Variants in DLG2 observed in about 807,000 individuals in gnomAD.
DLG2 encodes the protein disks large homolog 2.
Under a neutral mutation model 132.5 loss-of-function variants are expected in DLG2, and 45 were observed. The ratio of observed to expected loss-of-function variants is 0.34; its 90% CI spans 0.27 to 0.44. The LOEUF (loss-of-function observed/expected upper bound fraction) is 0.44. DLG2 is among the 20% of genes least tolerant of loss of function. The pLI, the probability that DLG2 is intolerant of heterozygous loss-of-function variation, is 1.00. For missense variants in DLG2, 1,045 were observed against 1,196.9 expected (o/e 0.87, Z 1.87); for synonymous variants, 424 against 419.6 (o/e 1.01, Z -0.13).
At chr11:85,474,785 A>G (rs571966017) in intron 3 of DLG2, among the ~76,000 whole-genome samples, 1 of 151,690 alleles carries the variant, frequency 6.6e-6, no homozygotes, top group East Asian at 1.9e-4. Flanking sequence ...TACTTAATGT[A>G]ATTTATTAAT....
chr11:85,459,793 C>A (rs1408120024), intron 3 of DLG2, among the ~76,000 whole-genome samples: 2 of 152,156 alleles, frequency 1.3e-5, no homozygotes, highest in Non-Finnish European at 2.9e-5. Flanking sequence ...TAATGCTGAA[C>A]CACCTGCAAC....
intron 8 of DLG2, among the ~76,000 whole-genome samples, chr11:84,235,273 T>A (rs889267762): frequency 6.6e-6 from 1 of 152,222 alleles, no homozygotes; most frequent in Non-Finnish European, 1.5e-5. Context: ...AAAACCAAAC[T>A]GTAGCCTGAC....
At chr11:84,893,826 CAATT>C (rs942005411) in intron 6 of DLG2, among the ~76,000 whole-genome samples, 1 of 151,942 alleles carries the variant, frequency 6.6e-6, no homozygotes, top group African/African-American at 2.4e-5. Flanking sequence ...ATTGTATAGT[CAATT>C]AATAAGTATT....
chr11:84,342,440 G>A (rs1384254695), intron 7 of DLG2, among the ~76,000 whole-genome samples: 1 of 152,176 alleles, frequency 6.6e-6, no homozygotes, highest in Non-Finnish European at 1.5e-5. Flanking sequence ...GAATATGGGT[G>A]TTATATTTTT....
intron 9 of DLG2, among the ~76,000 whole-genome samples, chr11:84,137,544 C>A (rs953191386): frequency 6.6e-6 from 1 of 152,038 alleles, no homozygotes; most frequent in Non-Finnish European, 1.5e-5. Context: ...ATTTAGGAAG[C>A]ACCAATTTGT....
rs1024989143 is a variant in DLG2, at chr11:84,994,053, A to T, written c.357+117608T>A. Among the ~76,000 whole-genome samples the T allele has an allele frequency of 9.2e-5, 14 of 152,284 alleles. No homozygotes were observed. The East Asian group carries it at 1.9e-3, about 21-fold the overall frequency. Reference sequence around the variant, plus strand: ...TAAAGTAAAATTAGAAAAAGAAATTAAAAAAATAATTTAAAAAAGTGACAC... The same window carrying T: ...TAAAGTAAAATTAGAAAAAGAAATTTAAAAAATAATTTAAAAAAGTGACAC... On this transcript the variant is annotated intron_variant, in intron 6 of 27. Transcript: ENST00000376104.
chr11:83,525,372 A>C (rs1732667638), intron 21 of DLG2, among the ~76,000 whole-genome samples: 2 of 152,226 alleles, frequency 1.3e-5, no homozygotes, highest in South Asian at 4.1e-4. Context: ...CACATTCAAA[A>C]GAAAACATAA....
chr11:83,486,453 T>C (rs1039695503), intron 21 of DLG2, among the ~76,000 whole-genome samples: 3 of 152,086 alleles, frequency 2.0e-5, no homozygotes, highest in Non-Finnish European at 4.4e-5. Flanking sequence ...GCAGAAGGCT[T>C]TGAGGGCCCA....
chr11:83,756,770 G>A lies in DLG2; in HGVS notation c.1825+29920C>T, dbSNP rs200896895. Among the ~76,000 whole-genome samples the A allele has an allele frequency of 4.0e-5, 6 of 148,476 alleles. No homozygotes were observed. In the East Asian group the frequency reaches 1.2e-3, roughly 29 times the overall value. ...TTTCCATCTTTATAATCTGTTACTG[G>A]GGATTATTACATAGAGTTAGCAGTC... is the stretch of plus-strand genomic sequence containing the variant. On this transcript the variant is annotated intron_variant, in intron 18 of 27. Transcript: ENST00000376104.
At chr11:84,054,627 G>C (rs891403069) in intron 11 of DLG2, among the ~76,000 whole-genome samples, 2 of 152,004 alleles carry the variant, frequency 1.3e-5, no homozygotes, top group Non-Finnish European at 2.9e-5. Context: ...TGAGATGATT[G>C]ATTCTATCTG....
chr11:84,171,001 G>C (rs1431637828), intron 8 of DLG2, among the ~76,000 whole-genome samples: 4 of 151,996 alleles, frequency 2.6e-5, no homozygotes, highest in African/African-American at 9.7e-5. Flanking sequence ...CCTATAAAAG[G>C]CCTCAACAGG....
intron 9 of DLG2, among the ~76,000 whole-genome samples, chr11:84,105,057 A>G (rs2092807262): frequency 6.6e-6 from 1 of 152,120 alleles, no homozygotes; most frequent in Admixed American, 6.6e-5. Flanking sequence ...TTCAATTACT[A>G]TTTTCTTTCC....
intron 9 of DLG2, among the ~76,000 whole-genome samples, chr11:84,144,496 C>A (rs2154243288): frequency 6.6e-6 from 1 of 152,184 alleles, no homozygotes; most frequent in African/African-American, 2.4e-5. Flanking sequence ...CTAATGGAGG[C>A]CAGGGTATCA....
At chr11:85,053,774 G>T (rs1246008542) in intron 6 of DLG2, among the ~76,000 whole-genome samples, 2 of 138,440 alleles carry the variant, frequency 1.4e-5, no homozygotes, top group Admixed American at 7.5e-5. Flanking sequence ...TCCAGCCTGG[G>T]CGACAGAGCA....
chr11:85,202,491 A>G (rs1374626517), intron 4 of DLG2, among the ~76,000 whole-genome samples: 1 of 152,152 alleles, frequency 6.6e-6, no homozygotes, highest in African/African-American at 2.4e-5. Context: ...GATCATCCAG[A>G]TAGAAAAATC....
chr11:84,937,384 CA>C (rs35813381), intron 6 of DLG2, among the ~76,000 whole-genome samples: 57,767 of 132,286 alleles, frequency 0.44, 11,893 homozygotes, highest in African/African-American at 0.56. Context: ...CATACCAGAC[CA>C]AAAAAAAAAA....
chr11:84,559,193 G>C (rs2099418131), intron 6 of DLG2, among the ~76,000 whole-genome samples: 1 of 152,056 alleles, frequency 6.6e-6, no homozygotes, highest in African/African-American at 2.4e-5. Flanking sequence ...ACCCAACAAA[G>C]TGCTTATATT....
chr11:85,033,276 G>C (rs2061172893), intron 6 of DLG2, among the ~76,000 whole-genome samples: 1 of 151,198 alleles, frequency 6.6e-6, no homozygotes, highest in Non-Finnish European at 1.5e-5. Flanking sequence ...TGAAGACTGT[G>C]CTCAAACTAT....
chr11:84,619,126 TCAC>T (rs1223768626), intron 6 of DLG2, among the ~76,000 whole-genome samples: 10 of 151,882 alleles, frequency 6.6e-5, no homozygotes, highest in Non-Finnish European at 1.0e-4. Context: ...GACAAAATAT[TCAC>T]CACATTCTAG....
Sources: gnomAD v4.1 joint callset for allele counts (sites outside exome capture counted in the v4.1 genomes callset) on GRCh38, gnomAD v4.1.1 for gene constraint, MANE v1.5 for transcripts, NCBI Gene and HGNC (gene_info 2026-07-23, HGNC 2026-07-21) for gene names.